The following COPS7B variants were observed in gnomAD, a reference collection of about 807,000 sequenced individuals.
COPS7B encodes the protein COP9 signalosome subunit 7B, also known as COP9 signalosome complex subunit 7b.
In COPS7B, 9 loss-of-function variants were observed where a neutral mutation model predicts 33.4. That is an observed-to-expected ratio of 0.27 (90% CI 0.16 to 0.47). COPS7B has a LOEUF of 0.47. COPS7B is among the 20% of genes least tolerant of loss of function. COPS7B has a pLI of 0.99. For missense variants in COPS7B, 242 were observed against 318.2 expected (o/e 0.76, Z 1.82); for synonymous variants, 119 against 126.3 (o/e 0.94, Z 0.39).
At chr2:231,789,592 T>C (rs1255499344) in intron 2 of COPS7B, 1 of 152,366 alleles carries the variant, frequency 6.6e-6, no homozygotes. Context: ...TGGTACTTCT[T>C]GTGGAGCATG....
chr2:231,797,145 C>T (rs997349384), intron 5 of COPS7B, among the ~76,000 whole-genome samples: 1 of 152,190 alleles, frequency 6.6e-6, no homozygotes, highest in African/African-American at 2.4e-5. Flanking sequence ...GAAGCAGACC[C>T]GGTGAGCTTT....
rs1189885468 is a variant in COPS7B, at chr2:231,801,921, C to T, written c.636+2957C>T. On this transcript the variant is annotated intron_variant, in intron 6 of 6. Transcript: ENST00000350033. ...TCCTGAGTAGCTGGGATTACAGGTG[C>T]CCGCCACCACGCCCAGCTAATTTTT... Among the ~76,000 whole-genome samples, 8 of 152,142 alleles carry T rather than the reference C, an allele frequency of 5.3e-5. No homozygotes were observed. The East Asian group carries it at 1.5e-3, about 29-fold the overall frequency.
chr2:231,784,663 T>C (rs76764586), upstream of COPS7B, among the ~76,000 whole-genome samples: 2,212 of 152,276 alleles, frequency 0.015, 32 homozygotes, highest in Non-Finnish European at 0.018. Context: ...ACACTAGCTC[T>C]AGACAGCTCT....
upstream of COPS7B, among the ~76,000 whole-genome samples, chr2:231,784,428 G>A (rs575988605): frequency 1.6e-4 from 25 of 152,218 alleles, no homozygotes; most frequent in Admixed American, 3.3e-4. Context: ...GCTGAGGTGA[G>A]CTATGATAGT....
upstream of COPS7B, chr2:231,781,851 G>C: frequency 1.3e-6 from 2 of 1,550,896 alleles, no homozygotes; most frequent in Non-Finnish European, 8.7e-7. Context: ...GTTAACTTCT[G>C]TTTACATGGA....
At chr2:231,801,937 G>T (rs1318620990) in intron 6 of COPS7B, among the ~76,000 whole-genome samples, 1 of 152,034 alleles carries the variant, frequency 6.6e-6, no homozygotes, top group Non-Finnish European at 1.5e-5. Context: ...ACCACGCCCA[G>T]CTAATTTTTG....
rs990540856 is a variant in COPS7B at position 231,808,652 on chromosome 2, T to G, written c.*1007T>G. Reference sequence around the variant, plus strand: ...AACTAGACTTCTGAACTTGAACAGTTTCAGGTTATATTTTAATTTTTTTTT... The same window carrying G: ...AACTAGACTTCTGAACTTGAACAGTGTCAGGTTATATTTTAATTTTTTTTT... On this transcript the variant is annotated 3_prime_UTR_variant, in exon 7 of 7. Coordinates refer to ENST00000350033, the MANE Select transcript of COPS7B (RefSeq NM_022730.4). 34 of 367,200 alleles carry G rather than the reference T, an allele frequency of 9.3e-5. No individual in the cohort carries two copies. The highest frequency in any genetic ancestry group is 1.8e-4 in the Non-Finnish European group (33 of 183,206). The allele number at this position is 367,200 out of a possible 1,614,324, so 22.7% of individuals were successfully genotyped here. A position where few individuals can be genotyped will look rare whatever the true frequency, so the allele number is the denominator to read the frequency against.
intron 1 of COPS7B, among the ~76,000 whole-genome samples, chr2:231,788,136 G>GTTTTT (rs576680336): frequency 1.3e-4 from 15 of 114,100 alleles, no homozygotes; most frequent in Non-Finnish European, 2.3e-4. Context: ...CTCAGGAACT[G>GTTTTT]TTTTTTTTTT....
At chr2:231,792,760 G>C (rs1460197270) in intron 3 of COPS7B, among the ~76,000 whole-genome samples, 1 of 152,114 alleles carries the variant, frequency 6.6e-6, no homozygotes, top group Non-Finnish European at 1.5e-5. Flanking sequence ...TTAGGTTGAG[G>C]TATTTGTATG....
intron 5 of COPS7B, 67 bp downstream of exon 5, chr2:231,796,375 T>A: frequency 6.8e-7 from 1 of 1,467,246 alleles, no homozygotes. Flanking sequence ...AAAATGTGAT[T>A]CCCTGGTGTC....
intron 3 of COPS7B, chr2:231,792,010 C>T (rs1417726701): frequency 5.8e-6 from 4 of 687,386 alleles, no homozygotes; most frequent in Non-Finnish European, 1.1e-5. Flanking sequence ...CAAATGGGGC[C>T]TGTGTGTGCT....
chr2:231,789,997 T>C (rs2049365766), intron 2 of COPS7B: 1 of 152,336 alleles, frequency 6.6e-6, no homozygotes, highest in African/African-American at 2.4e-5. Context: ...CTATAAACTC[T>C]GTGAGGAGGT....
upstream of COPS7B, chr2:231,781,709 A>G (rs1430784982): frequency 3.7e-6 from 3 of 803,256 alleles, no homozygotes; most frequent in Non-Finnish European, 6.2e-6. Context: ...TGTAACTTAG[A>G]CTCCAGTGTG....
upstream of COPS7B, among the ~76,000 whole-genome samples, chr2:231,783,938 T>G (rs1041614939): frequency 6.6e-6 from 1 of 152,178 alleles, no homozygotes; most frequent in Non-Finnish European, 1.5e-5. Context: ...CACAGTGCAA[T>G]AGTTCCGTGC....
upstream of COPS7B, among the ~76,000 whole-genome samples, chr2:231,783,932 G>A (rs925513917): frequency 2.0e-5 from 3 of 152,164 alleles, no homozygotes; most frequent in African/African-American, 7.2e-5. Context: ...TTTTAACACA[G>A]TGCAATAGTT....
chr2:231,796,754 A>G (rs2049583654), intron 5 of COPS7B, among the ~76,000 whole-genome samples: 1 of 152,278 alleles, frequency 6.6e-6, no homozygotes, highest in South Asian at 2.1e-4. Flanking sequence ...TTCTTCGGAT[A>G]AAAGAACTTA....
intron 6 of COPS7B, among the ~76,000 whole-genome samples, chr2:231,804,454 A>G (rs184301834): frequency 6.6e-6 from 1 of 152,162 alleles, no homozygotes; most frequent in Admixed American, 6.5e-5. Flanking sequence ...TCACCGCGTT[A>G]GCCAGGATGG....
At chr2:231,791,886 T>G in intron 3 of COPS7B, 78 bp downstream of exon 3, 14 of 1,314,986 alleles carry the variant, frequency 1.1e-5, no homozygotes, top group Non-Finnish European at 1.5e-5. Context: ...GTTTGAGATA[T>G]AAAGCATGGG....
chr2:231,802,329 T>C (rs1380816331), intron 6 of COPS7B, among the ~76,000 whole-genome samples: 1 of 152,234 alleles, frequency 6.6e-6, no homozygotes, highest in African/African-American at 2.4e-5. Flanking sequence ...CCCAGTTCTC[T>C]TTTTCTTTGT....
Sources: gnomAD v4.1 joint callset for allele counts (sites outside exome capture counted in the v4.1 genomes callset) on GRCh38, gnomAD v4.1.1 for gene constraint, MANE v1.5 for transcripts, NCBI Gene and HGNC (gene_info 2026-07-23, HGNC 2026-07-21) for gene names.